Variants in FHOD3 observed in about 807,000 individuals in gnomAD.
FHOD3 encodes the protein FH1/FH2 domain-containing protein 3.
FHOD3 carries 90 observed loss-of-function variants against 173.0 expected under a neutral mutation model. The observed-to-expected ratio is 0.52, with a 90% CI of 0.44 to 0.62. The LOEUF (loss-of-function observed/expected upper bound fraction) is 0.62. Ranked by LOEUF, FHOD3 falls within the 20% of genes least tolerant of loss-of-function variation. The pLI is 0.00. For missense variants in FHOD3, 1,945 were observed against 2,034.7 expected (o/e 0.96, Z 0.85); for synonymous variants, 828 against 823.0 (o/e 1.01, Z -0.10).
chr18:36,557,908 C>T (rs1309386556), intron 5 of FHOD3, among the ~76,000 whole-genome samples: 4 of 152,120 alleles, frequency 2.6e-5, no homozygotes, highest in Non-Finnish European at 5.9e-5. Flanking sequence ...TTAGGTGAAA[C>T]CAGAGAAGCA....
chr18:36,443,320 A>T (rs1166451941), intron 3 of FHOD3, among the ~76,000 whole-genome samples: 1 of 152,212 alleles, frequency 6.6e-6, no homozygotes, highest in Non-Finnish European at 1.5e-5. Flanking sequence ...TATTAATTAG[A>T]ATTCTACTGT....
chr18:36,687,153 G>A lies in FHOD3; in HGVS notation c.1996G>A (p.Glu666Lys). ...FSRDYLDKRE[E>K]QRQAREERYK... Reference sequence around the variant, plus strand: ...CCGAGATTATTTAGACAAAAGAGAGGAGCAAAGGCAAGCAAGAGAAGAAAG... The same window carrying A: ...CCGAGATTATTTAGACAAAAGAGAGAAGCAAAGGCAAGCAAGAGAAGAAAG... Residue 666 changes from glutamate to lysine, a missense_variant, in exon 16 of 29, where the codon GAG becomes AAG. Glu to Lys is a moderately conservative substitution (Grantham distance 56). This residue lies in a region of FHOD3 where 1,099 missense variants were observed against 1,051.2 expected (regional missense o/e 1.05). Transcript: ENST00000590592. 1.2e-6 allele frequency: 2 copies of A among 1,611,446 alleles called. No homozygotes were observed. Among genetic ancestry groups the A allele is most frequent in the Non-Finnish European group, 1.7e-6 (2 of 1,178,216 alleles).
At chr18:36,628,640 C>G (rs1051104447) in intron 10 of FHOD3, among the ~76,000 whole-genome samples, 4 of 152,188 alleles carry the variant, frequency 2.6e-5, no homozygotes, top group Non-Finnish European at 5.9e-5. Context: ...CTAAAAGCAT[C>G]TTTATGGGAC....
At chr18:36,749,444 C>T (rs916637117) in intron 24 of FHOD3, among the ~76,000 whole-genome samples, 4 of 152,148 alleles carry the variant, frequency 2.6e-5, no homozygotes, top group African/African-American at 9.7e-5. Context: ...GTTTTCTGTT[C>T]CCGTGTTGGT....
At chr18:36,304,934 G>A (rs1470833494) in intron 1 of FHOD3, among the ~76,000 whole-genome samples, 1 of 152,182 alleles carries the variant, frequency 6.6e-6, no homozygotes, top group Non-Finnish European at 1.5e-5. Context: ...CAGTGAGCCA[G>A]CTCTGCGTCC....
At chr18:36,680,855 T>C (rs534012827) in intron 14 of FHOD3, among the ~76,000 whole-genome samples, 1 of 152,376 alleles carries the variant, frequency 6.6e-6, no homozygotes, top group East Asian at 1.9e-4. Context: ...AGAAGTGTAT[T>C]GTGAGACTGA....
chr18:36,662,526 T>A (rs1438381416), intron 14 of FHOD3, among the ~76,000 whole-genome samples: 1 of 152,200 alleles, frequency 6.6e-6, no homozygotes, highest in African/African-American at 2.4e-5. Context: ...GACATGGCTG[T>A]TTTTCAGATT....
At chr18:36,642,668 T>G (rs1402400745) in intron 10 of FHOD3, among the ~76,000 whole-genome samples, 3 of 151,910 alleles carry the variant, frequency 2.0e-5, no homozygotes, top group African/African-American at 7.2e-5. Flanking sequence ...TCATGACACA[T>G]TGTCATCACT....
intron 28 of FHOD3, among the ~76,000 whole-genome samples, chr18:36,773,694 G>T (rs931344485): frequency 6.6e-6 from 1 of 152,162 alleles, no homozygotes; most frequent in African/African-American, 2.4e-5. Context: ...GTTGCTGATG[G>T]GAATTCGTTG....
At position 36,653,410 on chromosome 18, in the gene FHOD3, C is replaced by G. The variant is rs1458975219; in HGVS notation, c.1715C>G (p.Ser572Cys). ...SEPYHFRSFS[S>C]NRYSNFGNNS... is the part of the protein sequence containing the mutation. ...CCTTACCACTTCCGATCTTTCTCTT[C>G]TAATAGGTGGGTGTCTTTATTTTCT... Residue 572 changes from serine (S) to cysteine (C), a missense_variant, in exon 13 of 29, where the codon TCT (serine) becomes TGT (cysteine). By Grantham distance (112) the Ser-to-Cys change is moderately radical (BLOSUM62 -1). Coordinates refer to ENST00000590592, the MANE Select transcript of FHOD3 (RefSeq NM_001281740.3). 1.3e-6 allele frequency: 2 copies of G among 1,529,874 alleles called. No homozygotes were observed. Among genetic ancestry groups the G allele is most frequent in the Non-Finnish European group, 1.8e-6 (2 of 1,142,030 alleles). The allele number at this position is 1,529,874 out of a possible 1,614,324, so 94.8% of individuals were successfully genotyped here. A position where few individuals can be genotyped will look rare whatever the true frequency, so the allele number is the denominator to read the frequency against.
At chr18:36,640,751 C>T (rs9963539) in intron 10 of FHOD3, among the ~76,000 whole-genome samples, 10,661 of 151,680 alleles carry the variant, frequency 0.07, 645 homozygotes, top group East Asian at 0.23. Context: ...CTGGGCTGGT[C>T]TTCTGGGAGC....
chr18:36,767,797 G>A (rs1188100583), intron 27 of FHOD3, among the ~76,000 whole-genome samples: 1 of 152,116 alleles, frequency 6.6e-6, no homozygotes, highest in African/African-American at 2.4e-5. Flanking sequence ...AGCACAGTGT[G>A]TATTTGCAGC....
chr18:36,300,537 C>A (rs2091932458), intron 1 of FHOD3, among the ~76,000 whole-genome samples: 1 of 152,128 alleles, frequency 6.6e-6, no homozygotes, highest in Non-Finnish European at 1.5e-5. Flanking sequence ...AGGACCCTGC[C>A]ACCAGTGAGG....
At chr18:36,337,405 T>G (rs80035497) in intron 1 of FHOD3, among the ~76,000 whole-genome samples, 9,575 of 152,216 alleles carry the variant, frequency 0.063, 984 homozygotes, top group African/African-American at 0.21. Flanking sequence ...GAGTGGACTT[T>G]TCCTCTCCAA....
chr18:36,602,682 C>A lies in FHOD3; in HGVS notation c.727C>A (p.Pro243Thr), dbSNP rs766997171. Residue 243 changes from proline to threonine, a missense_variant, in exon 8 of 29, where the codon CCT (proline) becomes ACT (threonine). By Grantham distance (38) the Pro-to-Thr change is conservative. Transcript: ENST00000590592. ...TAVDTKRGVK[P>T]WSNIMEILEE... ...TTTTGCTTTACTCATAGGGGTCAAA[C>A]CTTGGTCAAATATCATGGAAATCCT... 19 of 1,613,700 alleles carry A rather than the reference C, an allele frequency of 1.2e-5. 1 individual carries two copies. In the South Asian group the frequency reaches 1.9e-4, roughly 16 times the overall value.
At chr18:36,489,492 C>T (rs1449787305) in intron 3 of FHOD3, among the ~76,000 whole-genome samples, 4 of 152,058 alleles carry the variant, frequency 2.6e-5, no homozygotes, top group African/African-American at 4.8e-5. Flanking sequence ...GGCAACGTAA[C>T]GATATCCTGT....
At chr18:36,741,818 T>C (rs2041916932) in intron 21 of FHOD3, among the ~76,000 whole-genome samples, 1 of 151,984 alleles carries the variant, frequency 6.6e-6, no homozygotes, top group Admixed American at 6.6e-5. Context: ...CTCCATCTTC[T>C]GGCAAAGGAA....
At chr18:36,553,354 C>T (rs545510474) in intron 5 of FHOD3, among the ~76,000 whole-genome samples, 1 of 152,242 alleles carries the variant, frequency 6.6e-6, no homozygotes, top group Non-Finnish European at 1.5e-5. Context: ...AGGGAGGATT[C>T]CCTCTTTTTC....
Position 36,731,118 on chromosome 18 carries a change from C to T in FHOD3, c.3576+314C>T, listed in dbSNP as rs550121035. On this transcript the variant is annotated intron_variant, in intron 20 of 28. Coordinates refer to ENST00000590592, the MANE Select transcript of FHOD3 (RefSeq NM_001281740.3). ...GGGTCTTGTTTCATGTCATTTTAAACCACGTATGTTTAAAAAACCATACCT... is the reference window on the plus strand; with the variant it reads ...GGGTCTTGTTTCATGTCATTTTAAATCACGTATGTTTAAAAAACCATACCT... Among the ~76,000 whole-genome samples the T allele has an allele frequency of 5.3e-5, 8 of 152,290 alleles. No individual in the cohort carries two copies. In the East Asian group the frequency reaches 1.5e-3, roughly 29 times the overall value.
Sources: allele counts gnomAD v4.1 joint callset (sites outside exome capture counted in the v4.1 genomes callset), GRCh38; gene constraint gnomAD v4.1.1; regional missense constraint gnomAD v4.1.1; transcripts MANE v1.5; gene names NCBI Gene and HGNC (gene_info 2026-07-23, HGNC 2026-07-21).